Variants in TMC1 observed in about 807,000 individuals in gnomAD.
The protein encoded by TMC1 is transmembrane channel like 1.
In TMC1, 84 loss-of-function variants were observed where a neutral mutation model predicts 105.8. The observed-to-expected ratio is 0.79, with a 90% CI of 0.67 to 0.95. TMC1 has a LOEUF of 0.95. TMC1 is among the 40% of genes least tolerant of loss of function. The pLI is 0.00. For missense variants in TMC1, 817 were observed against 914.1 expected (o/e 0.89, Z 1.37); for synonymous variants, 315 against 311.5 (o/e 1.01, Z -0.12).
Position 72,836,243 on chromosome 9 carries a change from T to G in TMC1, c.*270T>G. 1 of 525,318 alleles carries G rather than the reference T, an allele frequency of 1.9e-6. No individual in the cohort carries two copies. The highest frequency in any genetic ancestry group is 3.4e-6 in the Non-Finnish European group (1 of 294,536). The allele number at this position is 525,318 out of a possible 1,614,324, so 32.5% of individuals were successfully genotyped here. A position where few individuals can be genotyped will look rare whatever the true frequency, so the allele number is the denominator to read the frequency against. On this transcript the variant is annotated 3_prime_UTR_variant, in exon 24 of 24. Transcript: ENST00000297784. Reference sequence around the variant, plus strand: ...GACTTTTTTTTTTTTTTTAACAAATTGAGTTTAGAAGTGAGTGTAATCCAG... The same window carrying G: ...GACTTTTTTTTTTTTTTTAACAAATGGAGTTTAGAAGTGAGTGTAATCCAG...
At chr9:72,550,122 T>C (rs997298663) in intron 1 of TMC1, among the ~76,000 whole-genome samples, 1 of 152,048 alleles carries the variant, frequency 6.6e-6, no homozygotes. Flanking sequence ...TGCCCTGATA[T>C]CCTGACACAA....
Position 72,570,900 on chromosome 9 carries a change from G to A in TMC1, c.-427-7002G>A, listed in dbSNP as rs191814306. Among the ~76,000 whole-genome samples the A allele has an allele frequency of 3.1e-3, 464 of 149,922 alleles. 4 individuals are homozygous for A. Among genetic ancestry groups the A allele is most frequent in the African/African-American group, 0.011 (447 of 41,122 alleles). On this transcript the variant is annotated intron_variant, in intron 1 of 23. Transcript: ENST00000297784. ...GATGGGGTTTTGCCATGTTGGCCAG[G>A]CTGGTCTCGAACTCCTGACCTCAAA...
intron 5 of TMC1, among the ~76,000 whole-genome samples, chr9:72,657,467 T>A (rs1383762973): frequency 2.0e-5 from 3 of 152,240 alleles, no homozygotes; most frequent in Admixed American, 6.5e-5. Flanking sequence ...TTTTATAATA[T>A]GCTTTTACTT....
intron 13 of TMC1, among the ~76,000 whole-genome samples, chr9:72,785,558 T>C (rs1333831154): frequency 6.6e-6 from 1 of 152,190 alleles, no homozygotes; most frequent in Non-Finnish European, 1.5e-5. Flanking sequence ...CTCTTGCACT[T>C]TGAGAGTATT....
intron 8 of TMC1, among the ~76,000 whole-genome samples, chr9:72,723,799 G>A (rs1321109852): frequency 2.6e-5 from 4 of 151,462 alleles, no homozygotes; most frequent in Non-Finnish European, 3.0e-5. Flanking sequence ...TGTCTGTTTC[G>A]TGATTTGTTT....
At chr9:72,638,489 T>G (rs1219532542) in intron 4 of TMC1, among the ~76,000 whole-genome samples, 1 of 152,170 alleles carries the variant, frequency 6.6e-6, no homozygotes, top group Non-Finnish European at 1.5e-5. Context: ...TCGACACTCA[T>G]GCTCACCGAA....
intron 5 of TMC1, among the ~76,000 whole-genome samples, chr9:72,655,650 G>A (rs1825871600): frequency 6.6e-6 from 1 of 151,970 alleles, no homozygotes; most frequent in South Asian, 2.1e-4. Context: ...GCTGAGGCAG[G>A]AGAATGGCTT....
chr9:72,745,296 G>T (rs927720207), intron 10 of TMC1, among the ~76,000 whole-genome samples: 1 of 152,130 alleles, frequency 6.6e-6, no homozygotes, highest in Non-Finnish European at 1.5e-5. Flanking sequence ...TAGTAGCAGA[G>T]CTGAAATATA....
At chr9:72,788,957 G>T (rs1333448153) in intron 14 of TMC1, among the ~76,000 whole-genome samples, 166 bp from the exon 15 acceptor site, 1 of 151,942 alleles carries the variant, frequency 6.6e-6, no homozygotes, top group Non-Finnish European at 1.5e-5. Flanking sequence ...GCCATCGTTT[G>T]TTGGCAATAT....
chr9:72,696,906 A>G (rs996079780), intron 7 of TMC1, among the ~76,000 whole-genome samples: 2 of 152,218 alleles, frequency 1.3e-5, no homozygotes, highest in African/African-American at 2.4e-5. Flanking sequence ...AGGCATGCCT[A>G]TGCCTTTTAA....
Position 72,797,641 on chromosome 9 carries a change from G to A in TMC1, c.1566+5289G>A, listed in dbSNP as rs542110530. Among the ~76,000 whole-genome samples the A allele has an allele frequency of 7.2e-5, 11 of 152,234 alleles. No homozygotes were observed. In the South Asian group the frequency reaches 2.1e-3, roughly 29 times the overall value. ...GGAAAATATTTCCTATTTAATAAAT[G>A]TTACTGGGAGAACTGGTAGCCATAT... On this transcript the variant is annotated intron_variant, in intron 17 of 23. Coordinates refer to ENST00000297784, the MANE Select transcript of TMC1 (RefSeq NM_138691.3).
chr9:72,529,037 G>A (rs1419708184), intron 1 of TMC1, among the ~76,000 whole-genome samples: 1 of 151,364 alleles, frequency 6.6e-6, no homozygotes, highest in Admixed American at 6.6e-5. Flanking sequence ...ATTATAAGTA[G>A]TGTAGTTATG....
At chr9:72,723,415 T>C (rs564442669) in intron 8 of TMC1, among the ~76,000 whole-genome samples, 2 of 152,332 alleles carry the variant, frequency 1.3e-5, no homozygotes, top group South Asian at 4.1e-4. Flanking sequence ...TTAGAGTTGA[T>C]CTACCACAAT....
At chr9:72,661,230 TCTTGC>T (rs1564474609) in intron 5 of TMC1, among the ~76,000 whole-genome samples, 1 of 152,244 alleles carries the variant, frequency 6.6e-6, no homozygotes, top group African/African-American at 2.4e-5. Flanking sequence ...GATCATGTTT[TCTTGC>T]CTTGCCTGAT....
intron 19 of TMC1, among the ~76,000 whole-genome samples, chr9:72,819,567 T>C (rs1047388769): frequency 1.2e-4 from 18 of 152,228 alleles, no homozygotes; most frequent in African/African-American, 4.3e-4. Context: ...TAAAATATCA[T>C]TCGTATCTAT....
At chr9:72,669,948 G>A (rs1261686202) in intron 5 of TMC1, among the ~76,000 whole-genome samples, 1 of 152,198 alleles carries the variant, frequency 6.6e-6, no homozygotes, top group Admixed American at 6.5e-5. Context: ...CCAGTTTACT[G>A]CCTGGAGAGA....
chr9:72,701,981 A>G (rs1826653443), intron 8 of TMC1, among the ~76,000 whole-genome samples: 1 of 152,162 alleles, frequency 6.6e-6, no homozygotes, highest in African/African-American at 2.4e-5. Flanking sequence ...CAGAGCTACA[A>G]ATTTTGTGTA....
chr9:72,628,896 A>G (rs1359057833), intron 4 of TMC1, among the ~76,000 whole-genome samples: 3 of 152,236 alleles, frequency 2.0e-5, no homozygotes, highest in African/African-American at 7.2e-5. Context: ...AAGACTGTGT[A>G]TAGCACAACT....
intron 2 of TMC1, among the ~76,000 whole-genome samples, chr9:72,590,894 T>C (rs1232834799): frequency 3.7e-4 from 56 of 152,178 alleles, no homozygotes; most frequent in Non-Finnish European, 2.9e-5. Flanking sequence ...CCTACCCCAC[T>C]CTTACCTACC....
Sources: gnomAD v4.1 joint callset for allele counts (sites outside exome capture counted in the v4.1 genomes callset) on GRCh38, gnomAD v4.1.1 for gene constraint, MANE v1.5 for transcripts, NCBI Gene and HGNC (gene_info 2026-07-23, HGNC 2026-07-21) for gene names.